Variants in FHIT observed in about 807,000 individuals in gnomAD.
The protein encoded by FHIT is bis(5'-adenosyl)-triphosphatase.
A neutral mutation model predicts 17.9 loss-of-function variants in FHIT; 19 were observed. The ratio of observed to expected loss-of-function variants is 1.06; its 90% CI spans 0.74 to 1.56. FHIT has a LOEUF of 1.56. FHIT is among the 40% of genes most tolerant of loss of function. The pLI, the probability that FHIT is intolerant of heterozygous loss-of-function variation, is 0.00. For synonymous variants in FHIT, 81 were observed against 69.7 expected (o/e 1.16, Z -0.81); for missense variants, 248 against 189.2 (o/e 1.31, Z -1.82).
intron 5 of FHIT, among the ~76,000 whole-genome samples, chr3:60,249,853 A>C (rs1265001485): frequency 2.0e-5 from 3 of 152,150 alleles, no homozygotes; most frequent in African/African-American, 7.2e-5. Context: ...ATGGCTGAGG[A>C]GGCCTCACAC....
At position 59,906,276 on chromosome 3, in the gene FHIT, A is replaced by T. The variant is rs533285974; in HGVS notation, c.348+16070T>A. ...TTTATAAAACTTCTTGCATAAAATC[A>T]GTCTTTGTAATTTCCTAGACTTCAA... On this transcript the variant is annotated intron_variant, in intron 8 of 9. Transcript: ENST00000492590. 3.3e-5 allele frequency among the ~76,000 whole-genome samples: 5 copies of T among 152,366 alleles called. No homozygotes were observed. The South Asian group carries it at 8.3e-4, about 25-fold the overall frequency.
At chr3:61,222,462 C>A (rs1196492940) in intron 1 of FHIT, among the ~76,000 whole-genome samples, 1 of 152,156 alleles carries the variant, frequency 6.6e-6, no homozygotes, top group Non-Finnish European at 1.5e-5. Context: ...CAACAGTCAG[C>A]TCTGAGGTCT....
chr3:60,601,506 T>A (rs2038444980), intron 4 of FHIT, among the ~76,000 whole-genome samples: 1 of 152,094 alleles, frequency 6.6e-6, no homozygotes. Flanking sequence ...GAAGACAAAC[T>A]AGTGTCAAGG....
At chr3:60,232,462 T>C (rs1362802219) in intron 5 of FHIT, among the ~76,000 whole-genome samples, 1 of 152,158 alleles carries the variant, frequency 6.6e-6, no homozygotes, top group Non-Finnish European at 1.5e-5. Context: ...CATGTTATCA[T>C]TTGTCTCCTC....
chr3:60,547,643 C>G (rs557424932), intron 4 of FHIT, among the ~76,000 whole-genome samples: 1 of 152,202 alleles, frequency 6.6e-6, no homozygotes, highest in African/African-American at 2.4e-5. Context: ...CTCTCTACCT[C>G]CTATAAACTA....
chr3:61,114,261 T>C (rs1377920490), intron 2 of FHIT, among the ~76,000 whole-genome samples: 1 of 152,152 alleles, frequency 6.6e-6, no homozygotes, highest in Non-Finnish European at 1.5e-5. Context: ...GCAACTAGTG[T>C]TTTCTTACCT....
At chr3:60,996,517 C>A (rs573158289) in intron 3 of FHIT, among the ~76,000 whole-genome samples, 61 of 152,232 alleles carry the variant, frequency 4.0e-4, no homozygotes, top group African/African-American at 1.4e-3. Context: ...ACTATTGCTT[C>A]TATTTGATTG....
At chr3:60,179,325 TC>T (rs774213898) in intron 5 of FHIT, among the ~76,000 whole-genome samples, 74 of 152,334 alleles carry the variant, frequency 4.9e-4, no homozygotes, top group Non-Finnish European at 7.9e-4. Context: ...CTGTGCCCTT[TC>T]CCCTATATCA....
intron 2 of FHIT, among the ~76,000 whole-genome samples, chr3:61,181,110 C>T (rs1397749035): frequency 6.6e-6 from 1 of 152,072 alleles, no homozygotes; most frequent in African/African-American, 2.4e-5. Context: ...CTTGACAAAT[C>T]ACATATTGGG....
chr3:60,017,520 G>A (rs1245020582), intron 5 of FHIT, among the ~76,000 whole-genome samples: 3 of 152,198 alleles, frequency 2.0e-5, no homozygotes, highest in Non-Finnish European at 4.4e-5. Context: ...ACTGGGTCAG[G>A]TTGTCAGACA....
chr3:60,981,356 G>C (rs1156724844), intron 3 of FHIT, among the ~76,000 whole-genome samples: 1 of 144,146 alleles, frequency 6.9e-6, no homozygotes, highest in Non-Finnish European at 1.5e-5. Flanking sequence ...CCAGGCTGGA[G>C]TGCAGTAGCG....
Position 61,065,268 on chromosome 3 carries a change from AACAC to A in FHIT, c.-163-23173_-163-23170del, listed in dbSNP as rs57357848. Among the ~76,000 whole-genome samples the A allele has an allele frequency of 4.7e-5, 7 of 148,444 alleles. No homozygotes were observed. The East Asian group carries it at 5.9e-4, about 13-fold the overall frequency. ...GGCTTCTATCTCACGAGTCATTTTC[AACAC>A]ACACACACACACACACACACACATA... On this transcript the variant is annotated intron_variant, in intron 2 of 9. Transcript: ENST00000492590.
chr3:60,520,914 G>T (rs2035334001), intron 5 of FHIT, among the ~76,000 whole-genome samples: 1 of 151,956 alleles, frequency 6.6e-6, no homozygotes, highest in Non-Finnish European at 1.5e-5. Flanking sequence ...AATAATAAAG[G>T]TGAGTTTGTT....
chr3:60,721,819 A>G (rs1003424985), intron 4 of FHIT, among the ~76,000 whole-genome samples: 2 of 152,144 alleles, frequency 1.3e-5, no homozygotes, highest in Admixed American at 1.3e-4. Context: ...TATTATTATT[A>G]TTATTTCAAG....
chr3:60,936,088 C>T (rs1187993007), intron 3 of FHIT, among the ~76,000 whole-genome samples: 2 of 152,138 alleles, frequency 1.3e-5, no homozygotes, highest in Non-Finnish European at 2.9e-5. Flanking sequence ...TCACTCACCT[C>T]CTGATTAATA....
At chr3:60,426,844 T>C (rs2107281749) in intron 5 of FHIT, among the ~76,000 whole-genome samples, 1 of 152,270 alleles carries the variant, frequency 6.6e-6, no homozygotes, top group African/African-American at 2.4e-5. Flanking sequence ...CTACGACTTT[T>C]GGTCAGCAGA....
intron 8 of FHIT, among the ~76,000 whole-genome samples, chr3:59,903,707 A>G (rs751372509): frequency 1.3e-5 from 2 of 152,234 alleles, no homozygotes; most frequent in Non-Finnish European, 2.9e-5. Flanking sequence ...AGGAGGAGGC[A>G]AAGGAGAAAT....
intron 5 of FHIT, among the ~76,000 whole-genome samples, chr3:60,122,359 C>A (rs1228158879): frequency 6.6e-6 from 1 of 152,056 alleles, no homozygotes; most frequent in African/African-American, 2.4e-5. Flanking sequence ...TGTTGAATCC[C>A]GGCCCTCAGG....
intron 3 of FHIT, among the ~76,000 whole-genome samples, chr3:60,869,190 T>C (rs1010889314): frequency 6.6e-6 from 1 of 152,154 alleles, no homozygotes; most frequent in Non-Finnish European, 1.5e-5. Context: ...CCTAACCCCC[T>C]GTGGAAGATC....
Sources: gnomAD v4.1 joint callset for allele counts (sites outside exome capture counted in the v4.1 genomes callset) on GRCh38, gnomAD v4.1.1 for gene constraint, MANE v1.5 for transcripts, NCBI Gene and HGNC (gene_info 2026-07-23, HGNC 2026-07-21) for gene names.